HNRNPM: variants seen among roughly 807,000 people sequenced by gnomAD.
The protein encoded by HNRNPM is CEA receptor.
In HNRNPM, 11 loss-of-function variants were observed where a neutral mutation model predicts 73.1. The ratio of observed to expected loss-of-function variants is 0.15; its 90% CI spans 0.09 to 0.25. The LOEUF is 0.25. Ranked by LOEUF, HNRNPM falls within the 10% of genes least tolerant of loss-of-function variation. HNRNPM has a pLI of 1.00. For missense variants in HNRNPM, 789 were observed against 1,067.9 expected (o/e 0.74, Z 3.64); for synonymous variants, 407 against 355.2 (o/e 1.15, Z -1.64).
At chr19:8,445,726 C>T (rs1417546284) in intron 1 of HNRNPM, 1 of 152,662 alleles carries the variant, frequency 6.6e-6, no homozygotes, top group African/African-American at 2.4e-5. Context: ...TCGCCCCACG[C>T]TCTGGCCCTG....
At chr19:8,481,485 C>G (rs538541957) in intron 12 of HNRNPM, 1 of 141,816 alleles carries the variant, frequency 7.1e-6, no homozygotes, top group Admixed American at 7.6e-5. Context: ...CTGTGAATGC[C>G]GATGGGAGAA....
rs564902543 is a variant in HNRNPM, at chr19:8,445,515, C to T, written c.113+404C>T. 3.5e-3 allele frequency: 555 copies of T among 159,274 alleles called. 4 individuals are homozygous for T. The highest frequency in any genetic ancestry group is 0.013 in the African/African-American group (542 of 41,796). 9.9% of individuals were successfully genotyped at this position (159,274 alleles called of 1,614,324 possible). ...CCCCTCTCCTCCCGGGGTCTGTTTT[C>T]TGATCCGTAACGTGGGGGGAGGAGA... On this transcript the variant is annotated intron_variant, in intron 1 of 15. Transcript: ENST00000325495.
At chr19:8,450,659 C>T (rs1458832249) in intron 1 of HNRNPM, among the ~76,000 whole-genome samples, 4 of 151,736 alleles carry the variant, frequency 2.6e-5, no homozygotes, top group African/African-American at 9.7e-5. Flanking sequence ...ACCTTGGCCT[C>T]CCAAAGTGCT....
At position 8,488,912 on chromosome 19, in the gene HNRNPM, A is replaced by G; in HGVS notation, c.*58A>G. On this transcript the variant is annotated 3_prime_UTR_variant, in exon 16 of 16. Transcript: ENST00000325495. ...CTCTGAATTTGTATTTTTTCTTGTT[A>G]ACCATTTTAATTTGTTGGCTGGATG... The G allele has an allele frequency of 6.9e-7, 1 of 1,459,746 alleles. No individual in the cohort carries two copies. Among genetic ancestry groups the G allele is most frequent in the South Asian group, 1.3e-5 (1 of 75,672 alleles). The allele number at this position is 1,459,746 out of a possible 1,614,324, so 90.4% of individuals were successfully genotyped here.
In HNRNPM at chr19:8,487,087, GA is replaced by G. The variant is rs768127023; in HGVS notation, c.2029+14del. The G allele has an allele frequency of 3.1e-6, 5 of 1,611,014 alleles. No individual in the cohort carries two copies. Among genetic ancestry groups the G allele is most frequent in the Non-Finnish European group, 4.2e-6 (5 of 1,177,150 alleles). ...ATTCAACGAGTGCGGTAAGTGTTGG[GA>G]ACGGCTTTGTAGGTGCTTCCCTCGT... is the stretch of plus-strand genomic sequence containing the variant. On this transcript the variant is annotated intron_variant, in intron 15 of 15. Coordinates refer to ENST00000325495, the MANE Select transcript of HNRNPM (RefSeq NM_005968.5).
intron 1 of HNRNPM, among the ~76,000 whole-genome samples, chr19:8,455,023 G>A (rs1968907159): frequency 6.6e-6 from 1 of 152,060 alleles, no homozygotes; most frequent in Admixed American, 6.6e-5. Flanking sequence ...ACCCTAGGCT[G>A]GAGTGCAGTA....
intron 1 of HNRNPM, among the ~76,000 whole-genome samples, chr19:8,448,670 A>T (rs1022428722): frequency 5.3e-5 from 8 of 151,466 alleles, no homozygotes; most frequent in Non-Finnish European, 1.2e-4. Context: ...TTTTTAGTAG[A>T]GATGGGGTTT....
intron 12 of HNRNPM, among the ~76,000 whole-genome samples, chr19:8,477,310 C>G (rs1970578729): frequency 6.6e-6 from 1 of 152,142 alleles, no homozygotes; most frequent in Non-Finnish European, 1.5e-5. Context: ...GCTTATCAAG[C>G]AAGTGACCAC....
At chr19:8,479,076 TTC>T (rs1183929225) in intron 12 of HNRNPM, among the ~76,000 whole-genome samples, 15 of 120,752 alleles carry the variant, frequency 1.2e-4, no homozygotes, top group Admixed American at 5.0e-4. Context: ...TTTTCTTTCT[TTC>T]TTTTTTTTTT....
In HNRNPM at chr19:8,474,159, T is replaced by C; in HGVS notation, c.1043-8T>C. ...TGGATGATGCTGAAATGTGAACCTC[T>C]CTTGCAGGAATGGAGGGGCCCTTTG... On this transcript the variant is annotated splice_polypyrimidine_tract_variant and splice_region_variant and intron_variant, in intron 11 of 15. Transcript: ENST00000325495. 1 of 1,583,218 alleles carries C rather than the reference T, an allele frequency of 6.3e-7. No individual in the cohort carries two copies. The highest frequency in any genetic ancestry group is 8.6e-7 in the Non-Finnish European group (1 of 1,166,378).
At position 8,468,834 on chromosome 19, in the gene HNRNPM, C is replaced by G. The variant is rs747485201; in HGVS notation, c.895C>G (p.His299Asp). Reference protein sequence around the residue: ...FPPERPQQLPHGLGGIGMGLG... With the variant: ...FPPERPQQLPDGLGGIGMGLG... ...TCCTGAGCGTCCACAACAACTTCCC[C>G]GTAAGTGTTTCAGTGATTAGGGCTG... The change falls in exon 9 of 16, where the codon CAT becomes GAT. Residue 299 changes from histidine (H) to aspartate (D), a missense_variant and splice_region_variant. Physicochemically the swap from His to Asp is moderately conservative, Grantham distance 81. Coordinates refer to ENST00000325495, the MANE Select transcript of HNRNPM (RefSeq NM_005968.5). The G allele has an allele frequency of 3.7e-6, 6 of 1,610,582 alleles. No homozygotes were observed. In the Admixed American group the frequency reaches 1.0e-4, roughly 27 times the overall value.
In HNRNPM at chr19:8,465,616, T is replaced by C. The variant is rs1415852691; in HGVS notation, c.630+101T>C. 13 of 848,960 alleles carry C rather than the reference T, an allele frequency of 1.5e-5. 1 individual carries two copies. In the Middle Eastern group the frequency reaches 2.3e-3, roughly 152 times the overall value. 52.6% of individuals were successfully genotyped at this position (848,960 alleles called of 1,614,324 possible). On this transcript the variant is annotated intron_variant, in intron 6 of 15. Transcript: ENST00000325495. ...TAATTCTCACATTTGAGAAGAAAAA[T>C]GTAAAGAAGGGTTTTGTTCTTGATT...
chr19:8,472,632 G>A (rs1344008591), intron 10 of HNRNPM, among the ~76,000 whole-genome samples: 2 of 152,216 alleles, frequency 1.3e-5, no homozygotes, highest in Non-Finnish European at 2.9e-5. Flanking sequence ...AGGCTGGAGT[G>A]CAGTGGCTCA....
At chr19:8,483,122 A>C in intron 12 of HNRNPM, 36 bp from the exon 13 acceptor site, 1 of 1,408,012 alleles carries the variant, frequency 7.1e-7, no homozygotes, top group Non-Finnish European at 1.0e-6. Flanking sequence ...CCATAGAGGA[A>C]TTTGGCTAAT....
intron 9 of HNRNPM, among the ~76,000 whole-genome samples, chr19:8,470,581 G>A (rs1264597399): frequency 6.6e-6 from 1 of 152,166 alleles, no homozygotes; most frequent in Non-Finnish European, 1.5e-5. Context: ...ACCCGCCTTG[G>A]CCTCCCAAAG....
At chr19:8,472,156 C>T (rs911921907) in intron 10 of HNRNPM, among the ~76,000 whole-genome samples, 7 of 132,182 alleles carry the variant, frequency 5.3e-5, no homozygotes, top group Non-Finnish European at 9.3e-5. Flanking sequence ...GGCAACAGAG[C>T]GAGAGTCCGT....
intron 4 of HNRNPM, 21 bp from the exon 5 acceptor site, chr19:8,463,572 C>G: frequency 6.2e-7 from 1 of 1,612,190 alleles, no homozygotes; most frequent in Non-Finnish European, 8.5e-7. Flanking sequence ...TCACTCGACT[C>G]GTTTCCTTTT....
At chr19:8,470,594 C>G (rs1202485175) in intron 9 of HNRNPM, among the ~76,000 whole-genome samples, 1 of 152,204 alleles carries the variant, frequency 6.6e-6, no homozygotes, top group African/African-American at 2.4e-5. Context: ...TCCCAAAGTG[C>G]TGGGATTTCA....
At chr19:8,473,120 G>A (rs1307914198) in intron 10 of HNRNPM, among the ~76,000 whole-genome samples, 3 of 152,078 alleles carry the variant, frequency 2.0e-5, no homozygotes, top group Non-Finnish European at 4.4e-5. Context: ...GTGTGGTGGC[G>A]TAGTCCCAGC....
Sources: allele counts gnomAD v4.1 joint callset (sites outside exome capture counted in the v4.1 genomes callset), GRCh38; gene constraint gnomAD v4.1.1; transcripts MANE v1.5; gene names NCBI Gene and HGNC (gene_info 2026-07-23, HGNC 2026-07-21).